The following TMTC2 variants were observed in gnomAD, a reference collection of about 807,000 sequenced individuals.
TMTC2 encodes the protein protein O-mannosyl-transferase TMTC2.
Under a neutral mutation model 82.4 loss-of-function variants are expected in TMTC2, and 43 were observed. The ratio of observed to expected loss-of-function variants is 0.52; its 90% CI spans 0.41 to 0.67. The LOEUF is 0.67. Among genes scored for constraint, TMTC2 ranks in the 30% least tolerant of loss-of-function variants. The pLI is 0.00. For missense variants in TMTC2, 919 were observed against 1,012.4 expected, an observed-to-expected ratio of 0.91 and a Z score of 1.25; for synonymous variants, 408 against 381.9, an observed-to-expected ratio of 1.07 and a Z score of -0.80.
rs772739295 is a variant in TMTC2 at position 82,965,041 on chromosome 12, A to G, written c.1616A>G (p.Glu539Gly). ...MLYNLGLLLQ[E>G]NSRFAEALHY... Reference sequence around the variant, plus strand: ...TCATGCAGAGGGCTACTTCTCCAGGAGAACAGCAGGTTTGCAGAAGCACTA... The same window carrying G: ...TCATGCAGAGGGCTACTTCTCCAGGGGAACAGCAGGTTTGCAGAAGCACTA... The change falls in exon 5 of 12, where the codon GAG (glutamate) becomes GGG (glycine). Residue 539 changes from glutamate to glycine, a missense_variant. By Grantham distance (98) the Glu-to-Gly change is moderately conservative. Transcript: ENST00000321196. 6.2e-7 allele frequency: 1 copy of G among 1,612,282 alleles called. No individual in the cohort carries two copies. Among genetic ancestry groups the G allele is most frequent in the Admixed American group, 1.7e-5 (1 of 59,916 alleles).
chr12:82,702,841 C>G (rs916664251), intron 1 of TMTC2, among the ~76,000 whole-genome samples: 3 of 151,976 alleles, frequency 2.0e-5, no homozygotes, highest in Admixed American at 1.3e-4. Flanking sequence ...CAGGGAGACC[C>G]TGTCTCTATA....
At chr12:82,819,557 A>G (rs1182357896) in intron 1 of TMTC2, among the ~76,000 whole-genome samples, 1 of 143,198 alleles carries the variant, frequency 7.0e-6, no homozygotes, top group African/African-American at 2.6e-5. Flanking sequence ...GCTGGAGTGC[A>G]ATGGCATGAT....
chr12:82,765,974 T>C (rs1012454405), intron 1 of TMTC2, among the ~76,000 whole-genome samples: 1 of 152,138 alleles, frequency 6.6e-6, no homozygotes, highest in African/African-American at 2.4e-5. Flanking sequence ...CCCGGCTTCT[T>C]TGGGGTGAGG....
chr12:83,095,979 C>G (rs1191164075), intron 11 of TMTC2, among the ~76,000 whole-genome samples: 1 of 152,138 alleles, frequency 6.6e-6, no homozygotes, highest in Non-Finnish European at 1.5e-5. Context: ...ACATTGTGAG[C>G]ATGTATGTGA....
At chr12:82,952,712 AT>A (rs1180240086) in intron 4 of TMTC2, among the ~76,000 whole-genome samples, 1 of 151,846 alleles carries the variant, frequency 6.6e-6, no homozygotes, top group Non-Finnish European at 1.5e-5. Flanking sequence ...TGCCCTGCTA[AT>A]TTTTGTGTGT....
chr12:82,773,626 A>T (rs1312465735), intron 1 of TMTC2, among the ~76,000 whole-genome samples: 3 of 151,814 alleles, frequency 2.0e-5, no homozygotes, highest in Non-Finnish European at 4.4e-5. Flanking sequence ...AGGCCCAGCT[A>T]GTTGTTGTAT....
intron 2 of TMTC2, among the ~76,000 whole-genome samples, chr12:82,858,927 A>C (rs1213378297): frequency 6.6e-6 from 1 of 152,104 alleles, no homozygotes; most frequent in Admixed American, 6.5e-5. Flanking sequence ...GACAATAGCA[A>C]ACTTTGTTTT....
At chr12:82,736,559 A>G (rs1352984848) in intron 1 of TMTC2, among the ~76,000 whole-genome samples, 1 of 152,206 alleles carries the variant, frequency 6.6e-6, no homozygotes, top group Non-Finnish European at 1.5e-5. Flanking sequence ...ATTGCAACCT[A>G]ATATCAGAAT....
At chr12:82,866,574 A>G (rs1003816892) in intron 2 of TMTC2, among the ~76,000 whole-genome samples, 5 of 152,146 alleles carry the variant, frequency 3.3e-5, no homozygotes, top group Admixed American at 6.5e-5. Context: ...TCTGGGATGC[A>G]TATTACATCA....
At chr12:83,018,627 A>G (rs1012821462) in intron 8 of TMTC2, among the ~76,000 whole-genome samples, 5 of 150,728 alleles carry the variant, frequency 3.3e-5, no homozygotes, top group African/African-American at 4.9e-5. Context: ...TTTTGGTGTC[A>G]TCTTATGCAT....
intron 1 of TMTC2, among the ~76,000 whole-genome samples, chr12:82,762,425 G>T (rs908900694): frequency 6.6e-6 from 1 of 152,130 alleles, no homozygotes; most frequent in Non-Finnish European, 1.5e-5. Flanking sequence ...GTCGTTTACC[G>T]TATACATAAT....
rs1464711442 is a variant in TMTC2, at chr12:82,895,956, A to G, written c.793A>G (p.Ser265Gly). ...GGACAACCCCGCTGCTGATTCGGAC[A>G]GCCTCCTCACCCGCACTCTCACCTT... ...NSDNPAADSD[S>G]LLTRTLTFFY... The change falls in exon 3 of 12, where the codon AGC becomes GGC. Residue 265 changes from serine (S) to glycine (G), a missense_variant. Coordinates refer to ENST00000321196, the MANE Select transcript of TMTC2 (RefSeq NM_152588.3). 43 of 1,613,774 alleles carry G rather than the reference A, an allele frequency of 2.7e-5. No individual in the cohort carries two copies. Among genetic ancestry groups the G allele is most frequent in the Non-Finnish European group, 3.4e-5 (40 of 1,180,004 alleles).
At chr12:82,982,998 G>A (rs899643311) in intron 7 of TMTC2, among the ~76,000 whole-genome samples, 1 of 151,514 alleles carries the variant, frequency 6.6e-6, no homozygotes, top group Admixed American at 6.6e-5. Context: ...TATAGAAATT[G>A]AAAAACTGTT....
intron 11 of TMTC2, among the ~76,000 whole-genome samples, chr12:83,084,210 T>G (rs1182538180): frequency 6.6e-6 from 1 of 152,236 alleles, no homozygotes; most frequent in Non-Finnish European, 1.5e-5. Context: ...TAACAACACA[T>G]GTAATGGAAT....
In TMTC2 at chr12:82,729,786, T is replaced by G. The variant is rs11115361; in HGVS notation, c.83+42117T>G. Among the ~76,000 whole-genome samples the G allele has an allele frequency of 3.6e-3, 551 of 152,324 alleles. 3 individuals carry two copies. Among genetic ancestry groups the G allele is most frequent in the African/African-American group, 0.013 (537 of 41,564 alleles). ...TTTCCGTGCTGTGGTAGCTTTGTTC[T>G]TTTGCTCTTTGCAATAAATCTTGCT... On this transcript the variant is annotated intron_variant, in intron 1 of 11. Coordinates refer to ENST00000321196, the MANE Select transcript of TMTC2 (RefSeq NM_152588.3).
chr12:83,004,142 C>T (rs374473041), intron 8 of TMTC2, among the ~76,000 whole-genome samples: 1 of 152,158 alleles, frequency 6.6e-6, no homozygotes, highest in Admixed American at 6.5e-5. Flanking sequence ...ATTCTTTGCT[C>T]AGCTTGCCCT....
At chr12:82,764,646 A>T (rs1876843167) in intron 1 of TMTC2, among the ~76,000 whole-genome samples, 1 of 152,168 alleles carries the variant, frequency 6.6e-6, no homozygotes, top group South Asian at 2.1e-4. Context: ...AGTCTCAATC[A>T]TTTTAGGAGG....
chr12:83,006,610 A>C (rs1483800313), intron 8 of TMTC2, among the ~76,000 whole-genome samples: 1 of 152,210 alleles, frequency 6.6e-6, no homozygotes, highest in Non-Finnish European at 1.5e-5. Flanking sequence ...GGTATATAGC[A>C]AAAGGATTAT....
intron 2 of TMTC2, among the ~76,000 whole-genome samples, chr12:82,861,820 C>G (rs1871569838): frequency 6.6e-6 from 1 of 152,156 alleles, no homozygotes; most frequent in Non-Finnish European, 1.5e-5. Context: ...TTAGAGTAGT[C>G]TTAGTTCTTA....
Sources: gnomAD v4.1 joint callset for allele counts (sites outside exome capture counted in the v4.1 genomes callset) on GRCh38, gnomAD v4.1.1 for gene constraint, MANE v1.5 for transcripts, NCBI Gene and HGNC (gene_info 2026-07-23, HGNC 2026-07-21) for gene names.